RAB38: variants seen among roughly 807,000 people sequenced by gnomAD.
RAB38 encodes ras-related protein Rab-38.
In RAB38, 15 loss-of-function variants were observed where a neutral mutation model predicts 18.4. The observed-to-expected ratio is 0.82, with a 90% CI of 0.55 to 1.26. The LOEUF (loss-of-function observed/expected upper bound fraction) is 1.26. Among genes scored for constraint, RAB38 ranks in the 50% most tolerant of loss-of-function variants. The pLI, the probability that RAB38 is intolerant of heterozygous loss-of-function variation, is 0.00. For synonymous variants in RAB38, 101 were observed against 104.4 expected, an observed-to-expected ratio of 0.97 and a Z score of 0.20; for missense variants, 294 against 267.4, an observed-to-expected ratio of 1.10 and a Z score of -0.69.
intron 2 of RAB38, among the ~76,000 whole-genome samples, chr11:88,126,211 T>G (rs1386687151): frequency 6.6e-6 from 1 of 152,156 alleles, no homozygotes; most frequent in Non-Finnish European, 1.5e-5. Context: ...TCTTTTTTGG[T>G]TCCATATGAA....
the RAB38 span, chr11:88,097,851 C>G: frequency 6.6e-6 from 1 of 151,812 alleles, no homozygotes; most frequent in East Asian, 1.9e-4. Flanking sequence ...TATTGCAGAA[C>G]CTTAGTTTTC....
the RAB38 span, among the ~76,000 whole-genome samples, chr11:87,848,943 C>T: frequency 6.6e-6 from 1 of 151,956 alleles, no homozygotes; most frequent in African/African-American, 2.4e-5. Context: ...GTGTTTAGGT[C>T]CCATTTTATG....
At chr11:87,810,239 C>T in the RAB38 span, among the ~76,000 whole-genome samples, 1 of 152,124 alleles carries the variant, frequency 6.6e-6, no homozygotes, top group Non-Finnish European at 1.5e-5. Flanking sequence ...AAACTTGCTT[C>T]AATTATCTAG....
the RAB38 span, among the ~76,000 whole-genome samples, chr11:88,025,231 A>G: frequency 6.6e-6 from 1 of 150,730 alleles, no homozygotes; most frequent in South Asian, 2.1e-4. Flanking sequence ...TAACTTATGT[A>G]TATAACTATA....
intron 1 of RAB38, among the ~76,000 whole-genome samples, chr11:88,153,207 C>G (rs980622742): frequency 1.3e-5 from 2 of 152,194 alleles, no homozygotes; most frequent in Non-Finnish European, 2.9e-5. Flanking sequence ...GTTTTCTTAT[C>G]TATAAAATGA....
intron 1 of RAB38, chr11:88,166,575 G>A (rs1355867430): frequency 2.0e-5 from 3 of 151,964 alleles, no homozygotes; most frequent in African/African-American, 7.2e-5. Context: ...TTTTAATTCT[G>A]TAAAATTACC....
intron 1 of RAB38, among the ~76,000 whole-genome samples, chr11:88,163,988 G>C (rs1482913962): frequency 1.3e-5 from 2 of 152,080 alleles, no homozygotes; most frequent in African/African-American, 4.8e-5. Flanking sequence ...TGGATGACAG[G>C]TTGGAGTGAA....
chr11:87,807,568 T>C, the RAB38 span, among the ~76,000 whole-genome samples: 1 of 152,096 alleles, frequency 6.6e-6, no homozygotes, highest in Non-Finnish European at 1.5e-5. Flanking sequence ...CACATAAAAT[T>C]TAATATAAAA....
the RAB38 span, among the ~76,000 whole-genome samples, chr11:87,807,578 A>C: frequency 6.6e-6 from 1 of 152,224 alleles, no homozygotes; most frequent in African/African-American, 2.4e-5. Flanking sequence ...TTAATATAAA[A>C]ATTGTTTTTG....
chr11:88,031,543 A>T, the RAB38 span, among the ~76,000 whole-genome samples: 1 of 152,070 alleles, frequency 6.6e-6, no homozygotes, highest in Non-Finnish European at 1.5e-5. Flanking sequence ...TCAGGATACA[A>T]AATCAATGTA....
the RAB38 span, among the ~76,000 whole-genome samples, chr11:88,041,707 T>G: frequency 1.3e-5 from 2 of 152,200 alleles, no homozygotes; most frequent in Admixed American, 6.5e-5. Flanking sequence ...AAATCATGTG[T>G]CTCAGAGTCT....
At chr11:87,976,055 T>C in the RAB38 span, among the ~76,000 whole-genome samples, 4 of 150,540 alleles carry the variant, frequency 2.7e-5, no homozygotes, top group African/African-American at 7.3e-5. Flanking sequence ...GTGAAAGAAA[T>C]AGAATTAACA....
Position 88,175,341 on chromosome 11 carries a change from A to G in RAB38, c.44T>C (p.Ile15Thr), listed in dbSNP as rs755837107. ...HKEHLYKLLVIGDLGVGKTSI... is the reference protein window; with the variant it reads ...HKEHLYKLLVTGDLGVGKTSI... The stretch of plus-strand genomic sequence containing the variant: ...GGTCTTCCCCACGCCCAGGTCGCCA[A>G]TCACCAGCAACTTGTACAGGTGCTC... Residue 15 changes from isoleucine to threonine, a missense_variant, in exon 1 of 3, where the codon ATT (isoleucine) becomes ACT (threonine). Ile to Thr is a moderately conservative substitution (Grantham distance 89). Coordinates refer to ENST00000243662, the MANE Select transcript of RAB38 (RefSeq NM_022337.3). 1.9e-6 allele frequency: 3 copies of G among 1,614,204 alleles called. No homozygotes were observed. The highest frequency in any genetic ancestry group is 1.1e-5 in the South Asian group (1 of 91,086).
the RAB38 span, among the ~76,000 whole-genome samples, chr11:87,974,865 T>G: frequency 6.6e-6 from 1 of 151,888 alleles, no homozygotes; most frequent in African/African-American, 2.4e-5. Flanking sequence ...CAAAACTCTT[T>G]AGAGCAACGA....
At chr11:87,842,477 C>T in the RAB38 span, among the ~76,000 whole-genome samples, 24 of 152,198 alleles carry the variant, frequency 1.6e-4, no homozygotes, top group African/African-American at 5.5e-4. Context: ...CTTGCGCAGT[C>T]GGAGAGGGGC....
intron 1 of RAB38, among the ~76,000 whole-genome samples, chr11:88,161,884 G>A (rs540977722): frequency 2.6e-5 from 4 of 152,132 alleles, no homozygotes; most frequent in African/African-American, 9.6e-5. Flanking sequence ...ATGTGTTGGG[G>A]TCACAGAACC....
the RAB38 span, among the ~76,000 whole-genome samples, chr11:88,019,744 T>A: frequency 6.6e-6 from 1 of 152,212 alleles, no homozygotes; most frequent in Non-Finnish European, 1.5e-5. Context: ...AAGATGATAT[T>A]TAACAGAAAA....
At chr11:87,827,973 G>T in the RAB38 span, among the ~76,000 whole-genome samples, 1 of 152,122 alleles carries the variant, frequency 6.6e-6, no homozygotes, top group Non-Finnish European at 1.5e-5. Flanking sequence ...GTGGAAAACT[G>T]GTGAAATTCA....
chr11:87,956,987 G>GGT, the RAB38 span, among the ~76,000 whole-genome samples: 3 of 151,404 alleles, frequency 2.0e-5, no homozygotes, highest in Non-Finnish European at 4.4e-5. Context: ...GTTTTTTGGG[G>GGT]GGGGGTCCTT....
Sources: allele counts gnomAD v4.1 joint callset (sites outside exome capture counted in the v4.1 genomes callset), GRCh38; gene constraint gnomAD v4.1.1; transcripts MANE v1.5; gene names NCBI Gene and HGNC (gene_info 2026-07-23, HGNC 2026-07-21).